Variants in KRT23 observed in about 807,000 individuals in gnomAD.
KRT23 encodes keratin 23, also known as keratin, type I cytoskeletal 23.
In KRT23, 38 loss-of-function variants were observed where a neutral mutation model predicts 47.6. The ratio of observed to expected loss-of-function variants is 0.80; its 90% confidence interval spans 0.62 to 1.05. The LOEUF (loss-of-function observed/expected upper bound fraction) is 1.05, where lower values mean the gene tolerates loss of function less well. Among genes scored for constraint, KRT23 ranks in the 50% least tolerant of loss-of-function variants. KRT23 has a pLI of 0.00. For synonymous variants in KRT23, 191 were observed against 199.0 expected, an observed-to-expected ratio of 0.96 and a Z score of 0.34; for missense variants, 503 against 529.5, an observed-to-expected ratio of 0.95 and a Z score of 0.49.
chr17:40,923,408 A>C (rs1469350266), intron 8 of KRT23, among the ~76,000 whole-genome samples: 1 of 152,214 alleles, frequency 6.6e-6, no homozygotes, highest in East Asian at 1.9e-4. Flanking sequence ...GTAGCACTGC[A>C]CAGATTCCTT....
intron 2 of KRT23, among the ~76,000 whole-genome samples, chr17:40,935,120 T>TA (rs1311370608): frequency 6.6e-6 from 1 of 151,752 alleles, no homozygotes; most frequent in Non-Finnish European, 1.5e-5. Flanking sequence ...TGTTTTTTTT[T>TA]TTTTTTCATA....
rs202139470 is a variant in KRT23, at chr17:40,928,345, G to A, written c.814C>T (p.Gln272Ter). 8 of 1,614,194 alleles carry A rather than the reference G, an allele frequency of 5.0e-6. No individual in the cohort carries two copies. The Admixed American group carries it at 1.3e-4, about 27-fold the overall frequency. Residue 272 changes from glutamine to a stop codon, truncating the protein, a stop_gained, in exon 6 of 9, where the codon CAG (glutamine) becomes TAG (stop). Transcript: ENST00000209718. LOFTEE classifies it high-confidence loss of function. ...ACAGTGGCTGGACTGGCTGCCTCCT[G>A]GGACATGGCTGCAGACTGTGGGACC... ...WYKEQSAAMS[Q>*]EAASPATVQS...
intron 3 of KRT23, 124 bp from the exon 4 acceptor site, chr17:40,930,220 A>G: frequency 1.3e-6 from 1 of 797,240 alleles, no homozygotes; most frequent in Non-Finnish European, 2.0e-6. Context: ...ATGAATACAT[A>G]TAGGATGTCT....
intron 3 of KRT23, among the ~76,000 whole-genome samples, chr17:40,931,021 T>TTTA (rs1397463129): frequency 1.4e-4 from 20 of 146,754 alleles, no homozygotes; most frequent in African/African-American, 5.1e-4. Flanking sequence ...CCTTTTTTTT[T>TTTA]TTTTTTTTGA....
intron 8 of KRT23, 113 bp downstream of exon 8, chr17:40,924,359 C>T: frequency 1.3e-6 from 1 of 787,048 alleles, no homozygotes; most frequent in Non-Finnish European, 2.1e-6. Flanking sequence ...TGACCCAGGA[C>T]ATTTTGAACC....
In KRT23 at chr17:40,928,251, G is replaced by C. The variant is rs755818006; in HGVS notation, c.908C>G (p.Thr303Arg). Residue 303 changes from threonine to arginine, a missense_variant, in exon 6 of 9, where the codon ACA becomes AGA. Coordinates refer to ENST00000209718, the MANE Select transcript of KRT23 (RefSeq NM_015515.5). ...TFQALEIDLQ[T>R]QYSTKSALEN... ...GCCTTGACTCACCGTGCTGTACTGT[G>C]TCTGCAGGTCAATCTCCAGGGCCTG... 3 of 1,614,038 alleles carry C rather than the reference G, an allele frequency of 1.9e-6. No individual in the cohort carries two copies. In the African/African-American group the frequency reaches 4.0e-5, roughly 22 times the overall value.
chr17:40,931,318 C>G (rs1054148661), intron 3 of KRT23, 55 bp downstream of exon 3: 1 of 1,413,420 alleles, frequency 7.1e-7, no homozygotes, highest in African/African-American at 1.4e-5. Context: ...CCGAGTTTTC[C>G]TTTTGTAAAG....
intron 2 of KRT23, among the ~76,000 whole-genome samples, chr17:40,935,200 G>C (rs1348445085): frequency 1.3e-5 from 2 of 151,532 alleles, no homozygotes; most frequent in East Asian, 3.9e-4. Flanking sequence ...AATAATTAGG[G>C]TTCATTACAA....
chr17:40,933,213 G>T (rs1459753144), intron 2 of KRT23, among the ~76,000 whole-genome samples: 1 of 152,138 alleles, frequency 6.6e-6, no homozygotes. Flanking sequence ...GTTCATGGTG[G>T]GACATAGCCA....
rs776522661 is a variant in KRT23 at position 40,936,448 on chromosome 17, G to A, written c.156C>T (p.Cys52=). The A allele has an allele frequency of 3.1e-6, 5 of 1,607,712 alleles. No individual in the cohort carries two copies. The Admixed American group carries it at 6.7e-5, about 22-fold the overall frequency. ...AACCCCAAGACCCTCCAGGGGGTGG[G>A]CAGCTCCGCGTGGTGAAGGACAGGG... ...RISLSFTTRS[C]PPPGGSWGSG... is the part of the protein sequence containing the mutation. The change falls in exon 2 of 9, where the codon TGC becomes TGT. Residue 52 remains cysteine (C), a synonymous_variant. Coordinates refer to ENST00000209718, the MANE Select transcript of KRT23 (RefSeq NM_015515.5).
chr17:40,928,191 G>A (rs375093279), intron 6 of KRT23, 47 bp downstream of exon 6: 24 of 1,611,662 alleles, frequency 1.5e-5, no homozygotes, highest in Middle Eastern at 1.9e-4. Flanking sequence ...AGAAGGCTTC[G>A]TGAAGGAGGT....
At position 40,936,450 on chromosome 17, in the gene KRT23, A is replaced by G; in HGVS notation, c.154T>C (p.Cys52Arg). 6.2e-7 allele frequency: 1 copy of G among 1,605,762 alleles called. No individual in the cohort carries two copies. Reference protein sequence around the residue: ...RISLSFTTRSCPPPGGSWGSG... With the variant: ...RISLSFTTRSRPPPGGSWGSG... ...CCCCAAGACCCTCCAGGGGGTGGGC[A>G]GCTCCGCGTGGTGAAGGACAGGGAG... Residue 52 changes from cysteine (C) to arginine (R), a missense_variant, in exon 2 of 9, where the codon TGC becomes CGC. By Grantham distance (180) the Cys-to-Arg change is radical (BLOSUM62 -3). Transcript: ENST00000209718.
In KRT23 at chr17:40,925,425, C is replaced by A; in HGVS notation, c.1071G>T (p.Leu357=). Residue 357 remains leucine (L), a synonymous_variant, in exon 7 of 9, where the codon CTG becomes CTT. Coordinates refer to ENST00000209718, the MANE Select transcript of KRT23 (RefSeq NM_015515.5). ...LERQNNEYQV[L]LGIKTHLEKE... is the part of the protein sequence containing the mutation. ...TCTCCAGGTGGGTTTTGATGCCCAG[C>A]AGCACTTGGTATTCATTGTTCTGCC... The A allele has an allele frequency of 6.2e-7, 1 of 1,614,100 alleles. No homozygotes were observed.
intron 8 of KRT23, among the ~76,000 whole-genome samples, chr17:40,923,522 G>C (rs973305246): frequency 6.6e-6 from 1 of 152,358 alleles, no homozygotes; most frequent in Admixed American, 6.5e-5. Flanking sequence ...TACCATGGCT[G>C]TTTTCAAATA....
Position 40,922,704 on chromosome 17 carries a change from G to A in KRT23, c.*285C>T. 3.5e-6 allele frequency: 1 copy of A among 281,960 alleles called. No homozygotes were observed. The highest frequency in any genetic ancestry group is 6.6e-6 in the Non-Finnish European group (1 of 151,216). 17.5% of individuals were successfully genotyped at this position (281,960 alleles called of 1,614,324 possible). ...ATTAAAAAAAGACACGATGCAGCTA[G>A]TGCGGAGTTTTATTGGCTACAAAAT... is the stretch of plus-strand genomic sequence containing the variant. On this transcript the variant is annotated 3_prime_UTR_variant, in exon 9 of 9. Coordinates refer to ENST00000209718, the MANE Select transcript of KRT23 (RefSeq NM_015515.5).
intron 4 of KRT23, among the ~76,000 whole-genome samples, chr17:40,929,027 CAAA>C (rs3067615): frequency 3.1e-5 from 2 of 64,290 alleles, no homozygotes; most frequent in Non-Finnish European, 2.8e-5. Context: ...ACCCTGTCTC[CAAA>C]AAAAAAAAAA....
At chr17:40,931,555 G>T in intron 2 of KRT23, 100 bp from the exon 3 acceptor site, 1 of 831,528 alleles carries the variant, frequency 1.2e-6, no homozygotes, top group Non-Finnish European at 2.0e-6. Context: ...TATTTGACTT[G>T]TTAGTACAGA....
At chr17:40,929,740 T>G (rs557483588) in intron 4 of KRT23, 200 bp downstream of exon 4, 1 of 483,940 alleles carries the variant, frequency 2.1e-6, no homozygotes, top group Non-Finnish European at 3.6e-6. Context: ...GATTGCATTT[T>G]GGTTGTTGTA....
rs74617578 is a variant in KRT23, at chr17:40,929,762, A to C, written c.636+178T>G. ...TTTTGGTTGTTGTATTTGACATGTG[A>C]CTAGCTAACCTTGAAATTAGAAACA... On this transcript the variant is annotated intron_variant, in intron 4 of 8. Transcript: ENST00000209718. The C allele has an allele frequency of 6.8e-3, 3,508 of 514,844 alleles. 103 individuals are homozygous for C. Among genetic ancestry groups the C allele is most frequent in the African/African-American group, 0.061 (3,209 of 52,278 alleles). The allele number at this position is 514,844 out of a possible 1,614,324, so 31.9% of individuals were successfully genotyped here.
Sources: allele counts gnomAD v4.1 joint callset (sites outside exome capture counted in the v4.1 genomes callset), GRCh38; gene constraint gnomAD v4.1.1; transcripts MANE v1.5; gene names NCBI Gene and HGNC (gene_info 2026-07-23, HGNC 2026-07-21).